Variants in RALGAPB observed in about 807,000 individuals in gnomAD.
RALGAPB encodes ral GTPase-activating protein subunit beta.
In RALGAPB, 25 loss-of-function variants were observed where a neutral mutation model predicts 161.1. The observed-to-expected ratio is 0.16, with a 90% CI of 0.11 to 0.22. The LOEUF is 0.22. Among genes scored for constraint, RALGAPB ranks in the 10% least tolerant of loss-of-function variants. The pLI is 1.00. For missense variants in RALGAPB, 1,391 were observed against 1,815.2 expected (o/e 0.77, Z 4.25); for synonymous variants, 629 against 626.1 (o/e 1.00, Z -0.07).
chr20:38,554,573 C>G (rs1199461098), intron 22 of RALGAPB, among the ~76,000 whole-genome samples: 5 of 152,204 alleles, frequency 3.3e-5, no homozygotes, highest in African/African-American at 9.6e-5. Context: ...CCTGGAATCA[C>G]TGCTTGCCAG....
At chr20:38,554,130 G>A in intron 22 of RALGAPB, 54 bp downstream of exon 22, 1 of 1,420,838 alleles carries the variant, frequency 7.0e-7, no homozygotes, top group Non-Finnish European at 9.9e-7. Flanking sequence ...ACATTCAGCT[G>A]ACAATAGCTA....
chr20:38,481,918 T>C, intron 1 of RALGAPB, among the ~76,000 whole-genome samples: 1 of 152,258 alleles, frequency 6.6e-6, no homozygotes, highest in African/African-American at 2.4e-5. Context: ...AAAAACATAT[T>C]ACATTAAGTT....
At chr20:38,549,644 A>G (rs997235748) in intron 20 of RALGAPB, among the ~76,000 whole-genome samples, 1 of 151,618 alleles carries the variant, frequency 6.6e-6, no homozygotes, top group Non-Finnish European at 1.5e-5. Context: ...TTTGGGGTGC[A>G]GTTTATTTTA....
chr20:38,573,347 C>G (rs2088311169), intron 28 of RALGAPB, among the ~76,000 whole-genome samples: 1 of 150,996 alleles, frequency 6.6e-6, no homozygotes, highest in South Asian at 2.1e-4. Flanking sequence ...AAGATTGATT[C>G]AGTGTTGCTT....
At chr20:38,516,561 A>AT (rs1183364299) in intron 7 of RALGAPB, 191 bp downstream of exon 7, 3 of 604,152 alleles carry the variant, frequency 5.0e-6, no homozygotes, top group Non-Finnish European at 7.9e-6. Flanking sequence ...AAATATTTAG[A>AT]TTGGTGCAAA....
chr20:38,485,575 C>T (rs934169434), intron 1 of RALGAPB, among the ~76,000 whole-genome samples: 1 of 151,998 alleles, frequency 6.6e-6, no homozygotes, highest in Non-Finnish European at 1.5e-5. Flanking sequence ...TACAGGTGCC[C>T]GCCACCACAC....
chr20:38,475,814 G>A (rs943299413), intron 1 of RALGAPB, among the ~76,000 whole-genome samples: 14 of 151,872 alleles, frequency 9.2e-5, no homozygotes, highest in African/African-American at 2.4e-5. Flanking sequence ...AGGGGGTTTC[G>A]CCATGTTGGC....
chr20:38,494,664 CGGTT>C (rs951331446), intron 3 of RALGAPB, among the ~76,000 whole-genome samples: 1 of 152,058 alleles, frequency 6.6e-6, no homozygotes, highest in Non-Finnish European at 1.5e-5. Flanking sequence ...AAACAGGAAA[CGGTT>C]GGGAGTACTT....
In RALGAPB at chr20:38,525,414, A is replaced by G. The variant is rs747073290; in HGVS notation, c.1798A>G (p.Lys600Glu). 1.3e-6 allele frequency: 2 copies of G among 1,590,490 alleles called. No individual in the cohort carries two copies. The highest frequency in any genetic ancestry group is 1.7e-6 in the Non-Finnish European group (2 of 1,171,752). Residue 600 changes from lysine (K) to glutamate (E), a missense_variant, in exon 12 of 30, where the codon AAA becomes GAA. Physicochemically the swap from Lys to Glu is moderately conservative, Grantham distance 56. Transcript: ENST00000262879. ...ETILPDRELSKFKSYVNPTEL... is the reference protein window; with the variant it reads ...ETILPDRELSEFKSYVNPTEL... The stretch of plus-strand genomic sequence containing the variant: ...TTTATTTTTTGGCAGAGAACTCTCA[A>G]AATTCAAAAGCTATGTAAATCCAAC...
At chr20:38,499,367 C>T in intron 4 of RALGAPB, 80 bp from the exon 5 acceptor site, 3 of 1,222,592 alleles carry the variant, frequency 2.5e-6, no homozygotes, top group African/African-American at 1.6e-5. Context: ...ATTTTTTGAC[C>T]AGTTCTCCCA....
chr20:38,495,314 TTGAG>T (rs1460628319), intron 3 of RALGAPB, among the ~76,000 whole-genome samples: 4 of 152,306 alleles, frequency 2.6e-5, no homozygotes, highest in East Asian at 1.9e-4. Flanking sequence ...TTTTTTAAGA[TTGAG>T]TGAAGAGTAA....
At chr20:38,570,131 AC>A in intron 27 of RALGAPB, 135 bp downstream of exon 27, 3 of 632,224 alleles carry the variant, frequency 4.7e-6, no homozygotes, top group Non-Finnish European at 5.5e-6. Context: ...CTTGGTTTGT[AC>A]CCCAGCTCCA....
At chr20:38,556,968 G>A (rs1197366693) in intron 22 of RALGAPB, among the ~76,000 whole-genome samples, 1 of 152,156 alleles carries the variant, frequency 6.6e-6, no homozygotes, top group African/African-American at 2.4e-5. Context: ...AAATATTAAT[G>A]TCTTTTATTA....
At position 38,534,628 on chromosome 20, in the gene RALGAPB, TGTAA is replaced by T. The variant is rs2086750080; in HGVS notation, c.2246-441_2246-438del. 2.0e-5 allele frequency among the ~76,000 whole-genome samples: 3 copies of T among 152,218 alleles called. No homozygotes were observed. The South Asian group carries it at 6.2e-4, about 31-fold the overall frequency. On this transcript the variant is annotated intron_variant, in intron 15 of 29. Transcript: ENST00000262879. ...ATGTGAGTTTTGATGGCTTAAACCC[TGTAA>T]GTAATTTCAACAGATGCTTGCTTCA... is the stretch of plus-strand genomic sequence containing the variant.
chr20:38,523,863 G>GAGT (rs2086373127), intron 10 of RALGAPB, among the ~76,000 whole-genome samples: 1 of 152,190 alleles, frequency 6.6e-6, no homozygotes, highest in Non-Finnish European at 1.5e-5. Context: ...GGAGAGAAGG[G>GAGT]AGTAGTTAGA....
intron 6 of RALGAPB, among the ~76,000 whole-genome samples, chr20:38,513,130 G>A (rs1391634332): frequency 6.6e-6 from 1 of 152,158 alleles, no homozygotes; most frequent in Non-Finnish European, 1.5e-5. Flanking sequence ...CACTTTTGGA[G>A]GCCAACGCGG....
chr20:38,524,282 G>A (rs548193678), intron 10 of RALGAPB, among the ~76,000 whole-genome samples: 1 of 152,290 alleles, frequency 6.6e-6, no homozygotes, highest in South Asian at 2.1e-4. Flanking sequence ...AAATAATGGG[G>A]AAGGGACAAA....
At chr20:38,525,623 A>G (rs2086438532) in intron 12 of RALGAPB, 105 bp downstream of exon 12, 9 of 949,360 alleles carry the variant, frequency 9.5e-6, no homozygotes, top group Non-Finnish European at 1.1e-5. Flanking sequence ...TTATTTTTCA[A>G]TTCAAGTTAT....
rs767402415 is a variant in RALGAPB at position 38,564,912 on chromosome 20, CCTT to C, written c.3698-427_3698-425del. Among the ~76,000 whole-genome samples the C allele has an allele frequency of 7.4e-4, 111 of 150,704 alleles. 1 individual carries two copies. Among genetic ancestry groups the C allele is most frequent in the Middle Eastern group, 3.4e-3 (1 of 292 alleles). On this transcript the variant is annotated intron_variant, in intron 24 of 29. Coordinates refer to ENST00000262879, the MANE Select transcript of RALGAPB (RefSeq NM_020336.4). ...TCCTCCTCTTTTCCTCCTCCTCCTC[CCTT>C]CTTCTTCTTCTTCTTCTTCCTCTTC...
Sources: gnomAD v4.1 joint callset for allele counts (sites outside exome capture counted in the v4.1 genomes callset) on GRCh38, gnomAD v4.1.1 for gene constraint, MANE v1.5 for transcripts, NCBI Gene and HGNC (gene_info 2026-07-23, HGNC 2026-07-21) for gene names.